Variants in FBXW2 observed in about 807,000 individuals in gnomAD.
FBXW2 encodes the protein F-box and WD repeat domain containing 2.
Under a neutral mutation model 46.0 loss-of-function variants are expected in FBXW2, and 12 were observed. The observed-to-expected ratio is 0.26, with a 90% CI of 0.17 to 0.42. FBXW2 has a LOEUF of 0.42. Ranked by LOEUF, FBXW2 falls within the 10% of genes least tolerant of loss-of-function variation. The probability of loss-of-function intolerance (pLI) is 1.00; values close to 1 mark genes in which losing one functional copy is unlikely to be tolerated. For synonymous variants in FBXW2, 203 were observed against 209.6 expected (o/e 0.97, Z 0.27); for missense variants, 360 against 537.0 (o/e 0.67, Z 3.26).
Position 120,762,764 on chromosome 9 carries a change from A to G in FBXW2, c.*1795T>C, listed in dbSNP as rs1038197492. 1 of 152,256 alleles carries G rather than the reference A, an allele frequency of 6.6e-6. No homozygotes were observed. Among genetic ancestry groups the G allele is most frequent in the Non-Finnish European group, 1.5e-5 (1 of 68,052 alleles). 9.4% of individuals were successfully genotyped at this position (152,256 alleles called of 1,614,324 possible). A position where few individuals can be genotyped will look rare whatever the true frequency, so the allele number is the denominator to read the frequency against. On this transcript the variant is annotated 3_prime_UTR_variant, in exon 8 of 8. Transcript: ENST00000608872. ...GGATATGCTTTATACTGGAGTCAGC[A>G]AGAAGGAATAACTCATGTTCCCAGA...
chr9:120,785,070 A>ACAC lies in FBXW2; in HGVS notation c.490+2698_490+2699insGTG, dbSNP rs565771882. Among the ~76,000 whole-genome samples the ACAC allele has an allele frequency of 4.9e-4, 74 of 149,726 alleles. 1 individual carries two copies. The South Asian group carries it at 9.1e-3, about 18-fold the overall frequency. ...GTTGCCCAGGCTGGAGTGCAGTGGC[A>ACAC]CAATCTTAGCTCACTGCAACCTCCA... is the stretch of plus-strand genomic sequence containing the variant. On this transcript the variant is annotated intron_variant, in intron 3 of 7. Transcript: ENST00000608872.
intron 4 of FBXW2, among the ~76,000 whole-genome samples, chr9:120,778,106 A>G (rs1462434816): frequency 6.6e-6 from 1 of 152,148 alleles, no homozygotes; most frequent in Non-Finnish European, 1.5e-5. Flanking sequence ...AGAGAAACAG[A>G]GAGAGAATGA....
At chr9:120,778,006 AG>A (rs1408821082) in intron 4 of FBXW2, among the ~76,000 whole-genome samples, 1 of 152,010 alleles carries the variant, frequency 6.6e-6, no homozygotes, top group Non-Finnish European at 1.5e-5. Flanking sequence ...CTCAGTTCAG[AG>A]GTATGGAATC....
intron 4 of FBXW2, among the ~76,000 whole-genome samples, chr9:120,777,665 C>G (rs1255197302): frequency 6.6e-6 from 1 of 151,908 alleles, no homozygotes; most frequent in African/African-American, 2.4e-5. Context: ...CTGCTCAACA[C>G]AAGAGGCTGG....
chr9:120,786,137 A>C (rs2044717848), intron 3 of FBXW2, among the ~76,000 whole-genome samples: 1 of 152,180 alleles, frequency 6.6e-6, no homozygotes, highest in Non-Finnish European at 1.5e-5. Flanking sequence ...TAATACAAAG[A>C]CACTAATAAA....
At position 120,786,582 on chromosome 9, in the gene FBXW2, A is replaced by C. The variant is rs555622407; in HGVS notation, c.490+1187T>G. Among the ~76,000 whole-genome samples the C allele has an allele frequency of 2.0e-5, 3 of 152,350 alleles. No individual in the cohort carries two copies. In the East Asian group the frequency reaches 5.8e-4, roughly 29 times the overall value. On this transcript the variant is annotated intron_variant, in intron 3 of 7. Coordinates refer to ENST00000608872, the MANE Select transcript of FBXW2 (RefSeq NM_012164.4). The stretch of plus-strand genomic sequence containing the variant: ...ATATGCATTAATATGGAAATGGCTA[A>C]ATAATGACTATTGATATATTTACAA...
chr9:120,764,990 T>TGGCCGGGCGCGGTGGCTC, intron 7 of FBXW2, 143 bp from the exon 8 acceptor site: 2 of 693,500 alleles, frequency 2.9e-6, no homozygotes, highest in Non-Finnish European at 4.4e-6. Context: ...AAGTAAAATA[T>TGGCCGGGCGCGGTGGCTC]AAGGAGAAAA....
Position 120,788,012 on chromosome 9 carries a change from C to T in FBXW2, c.247G>A (p.Val83Ile), listed in dbSNP as rs376422212. 1.3e-5 allele frequency: 21 copies of T among 1,614,008 alleles called. No homozygotes were observed. The highest frequency in any genetic ancestry group is 6.7e-5 in the Admixed American group (4 of 59,982). Residue 83 changes from valine to isoleucine, a missense_variant, in exon 3 of 8, where the codon GTC (valine) becomes ATC (isoleucine). Physicochemically the swap from Val to Ile is conservative, Grantham distance 29 (BLOSUM62 3). Coordinates refer to ENST00000608872, the MANE Select transcript of FBXW2 (RefSeq NM_012164.4). ...DPQTLLTCCL[V>I]SKQWNKVISA... is the part of the protein sequence containing the mutation. ...ATCACCTTATTCCACTGTTTAGAGA[C>T]GAGGCAGCATGTGAGTAAAGTCTGA...
Position 120,762,191 on chromosome 9 carries a change from TTAG to T in FBXW2, c.*2365_*2367del, listed in dbSNP as rs1423127817. On this transcript the variant is annotated 3_prime_UTR_variant, in exon 8 of 8. Transcript: ENST00000608872. ...CCTGTCTCTACTAAAAATATAAAAA[TTAG>T]TTGGGTGTCATGGCAGATGCTTGTA... is the stretch of plus-strand genomic sequence containing the variant. 1 of 152,042 alleles carries T rather than the reference TTAG, an allele frequency of 6.6e-6. No individual in the cohort carries two copies. Among genetic ancestry groups the T allele is most frequent in the Middle Eastern group, 3.2e-3 (1 of 316 alleles). The allele number at this position is 152,042 out of a possible 1,614,324, so 9.4% of individuals were successfully genotyped here. A position where few individuals can be genotyped will look rare whatever the true frequency, so the allele number is the denominator to read the frequency against.
chr9:120,768,788 C>G (rs957300942), intron 7 of FBXW2, among the ~76,000 whole-genome samples: 1 of 151,808 alleles, frequency 6.6e-6, no homozygotes, highest in Admixed American at 6.6e-5. Context: ...CACCACTGCA[C>G]TAGAGCCTGG....
intron 3 of FBXW2, among the ~76,000 whole-genome samples, chr9:120,782,916 T>C (rs913026457): frequency 6.6e-6 from 1 of 152,190 alleles, no homozygotes; most frequent in African/African-American, 2.4e-5. Flanking sequence ...GTGTATTATA[T>C]ACTGTTTATA....
In FBXW2 at chr9:120,771,604, A is replaced by G. The variant is rs549047348; in HGVS notation, c.907-87T>C. 10 of 1,215,654 alleles carry G rather than the reference A, an allele frequency of 8.2e-6. No individual in the cohort carries two copies. The African/African-American group carries it at 1.4e-4, about 17-fold the overall frequency. 75.3% of individuals were successfully genotyped at this position (1,215,654 alleles called of 1,614,324 possible). A position where few individuals can be genotyped will look rare whatever the true frequency, so the allele number is the denominator to read the frequency against. On this transcript the variant is annotated intron_variant, in intron 6 of 7. Coordinates refer to ENST00000608872, the MANE Select transcript of FBXW2 (RefSeq NM_012164.4). ...TAAAATGGTCTGCATTTGTGAAGTC[A>G]GATAGAAAGTGAAGTATACTGGAAA...
chr9:120,792,930 T>C (rs1039357777), intron 2 of FBXW2: 48 of 1,530,386 alleles, frequency 3.1e-5, no homozygotes, highest in East Asian at 1.2e-4. Flanking sequence ...GTATAGCGCT[T>C]TGTACTTCAT....
intron 3 of FBXW2, among the ~76,000 whole-genome samples, chr9:120,780,569 G>A (rs975358074): frequency 4.6e-5 from 7 of 152,130 alleles, no homozygotes; most frequent in Admixed American, 1.3e-4. Context: ...CTACTGTACC[G>A]GAGAGCGTAA....
chr9:120,773,486 C>G (rs1309943460), intron 5 of FBXW2, among the ~76,000 whole-genome samples: 4 of 152,130 alleles, frequency 2.6e-5, no homozygotes, highest in Non-Finnish European at 5.9e-5. Flanking sequence ...GAGACAAGCA[C>G]CTATTATCTT....
intron 2 of FBXW2, chr9:120,792,910 T>C: frequency 3.3e-6 from 5 of 1,523,766 alleles, no homozygotes; most frequent in Non-Finnish European, 4.4e-6. Context: ...ATACCCACAA[T>C]TATGGCGCAG....
chr9:120,793,230 G>T lies in FBXW2; in HGVS notation c.-102C>A. On this transcript the variant is annotated 5_prime_UTR_variant, in exon 2 of 8. Transcript: ENST00000608872. ...GCTCGGACCGCCAGAGCCTTGCAGC[G>T]GCCGGGTCCGCTCCGCAGCCATGGC... The T allele has an allele frequency of 1.9e-6, 1 of 519,422 alleles. No homozygotes were observed. Among genetic ancestry groups the T allele is most frequent in the Non-Finnish European group, 3.4e-6 (1 of 295,072 alleles). 32.2% of individuals were successfully genotyped at this position (519,422 alleles called of 1,614,324 possible). A position where few individuals can be genotyped will look rare whatever the true frequency, so the allele number is the denominator to read the frequency against.
chr9:120,765,849 G>C (rs1385951410), intron 7 of FBXW2, among the ~76,000 whole-genome samples: 1 of 152,136 alleles, frequency 6.6e-6, no homozygotes, highest in African/African-American at 2.4e-5. Flanking sequence ...AGGGAGTTGG[G>C]AGGACAGCCC....
intron 7 of FBXW2, 35 bp downstream of exon 7, chr9:120,771,313 T>G: frequency 1.3e-6 from 2 of 1,575,396 alleles, no homozygotes; most frequent in Non-Finnish European, 1.7e-6. Flanking sequence ...CAGCAGGCTT[T>G]CAAAGGTAAA....
Sources: allele counts gnomAD v4.1 joint callset (sites outside exome capture counted in the v4.1 genomes callset), GRCh38; gene constraint gnomAD v4.1.1; transcripts MANE v1.5; gene names NCBI Gene and HGNC (gene_info 2026-07-23, HGNC 2026-07-21).